EHBP1: variants seen among roughly 807,000 people sequenced by gnomAD.
The protein encoded by EHBP1 is EH domain-binding protein 1.
A neutral mutation model predicts 144.0 loss-of-function variants in EHBP1; 55 were observed. The ratio of observed to expected loss-of-function variants is 0.38; its 90% CI spans 0.31 to 0.48. EHBP1 has a LOEUF of 0.48. Ranked by LOEUF, EHBP1 falls within the 20% of genes least tolerant of loss-of-function variation. EHBP1 has a pLI of 0.98. For missense variants in EHBP1, 1,200 were observed against 1,364.2 expected, an observed-to-expected ratio of 0.88 and a Z score of 1.90; for synonymous variants, 469 against 472.7, an observed-to-expected ratio of 0.99 and a Z score of 0.10.
intron 16 of EHBP1, among the ~76,000 whole-genome samples, chr2:62,993,135 C>A (rs2059479235): frequency 6.6e-6 from 1 of 152,128 alleles, no homozygotes; most frequent in Non-Finnish European, 1.5e-5. Context: ...GTATTATAAT[C>A]CTACCTTTTA....
intron 8 of EHBP1, among the ~76,000 whole-genome samples, chr2:62,862,347 A>G (rs1243025673): frequency 6.6e-6 from 1 of 152,142 alleles, no homozygotes; most frequent in African/African-American, 2.4e-5. Context: ...GGTGGCTCAC[A>G]CCTGTAATCC....
At chr2:62,936,842 A>G (rs2056418864) in intron 10 of EHBP1, among the ~76,000 whole-genome samples, 1 of 152,188 alleles carries the variant, frequency 6.6e-6, no homozygotes, top group Non-Finnish European at 1.5e-5. Flanking sequence ...CTCACTGTTG[A>G]TAGTTTTTGG....
At chr2:62,896,580 CA>C (rs1246006018) in intron 10 of EHBP1, among the ~76,000 whole-genome samples, 2 of 151,826 alleles carry the variant, frequency 1.3e-5, no homozygotes, top group Non-Finnish European at 2.9e-5. Context: ...GTGGTCTACT[CA>C]GGGCTTTGAT....
chr2:62,981,069 CAAAAA>C (rs754301803), intron 15 of EHBP1, among the ~76,000 whole-genome samples: 1 of 48,292 alleles, frequency 2.1e-5, no homozygotes, highest in Non-Finnish European at 4.2e-5. Context: ...GATGCTGTCT[CAAAAA>C]AAAAAAAAAA....
At position 62,948,783 on chromosome 2, in the gene EHBP1, A is replaced by C; in HGVS notation, c.1937A>C (p.Gln646Pro). The change falls in exon 13 of 23, where the codon CAG (glutamine) becomes CCG (proline). Residue 646 changes from glutamine (Q) to proline (P), a missense_variant. Transcript: ENST00000431489. ...TCCAATACAGATTCAACCCAAGCAC[A>C]GGTTTTGTTAGGCAAAAAGAGACTA... ...ICSNTDSTQAQVLLGKKRLLK... is the reference protein window; with the variant it reads ...ICSNTDSTQAPVLLGKKRLLK... 1.2e-6 allele frequency: 2 copies of C among 1,614,166 alleles called. No homozygotes were observed. Among genetic ancestry groups the C allele is most frequent in the Non-Finnish European group, 1.7e-6 (2 of 1,180,010 alleles).
chr2:63,000,968 T>C (rs1050995587), intron 19 of EHBP1, among the ~76,000 whole-genome samples: 7 of 152,188 alleles, frequency 4.6e-5, no homozygotes, highest in Non-Finnish European at 1.0e-4. Context: ...ACACTTCTTA[T>C]GTAAGTTTAG....
At chr2:62,892,575 G>A (rs983686699) in intron 10 of EHBP1, among the ~76,000 whole-genome samples, 10 of 151,954 alleles carry the variant, frequency 6.6e-5, no homozygotes, top group Non-Finnish European at 1.2e-4. Context: ...TTGATCATGT[G>A]TTATTCTTAT....
chr2:62,797,345 A>T (rs1338029848), intron 5 of EHBP1, among the ~76,000 whole-genome samples: 1 of 152,250 alleles, frequency 6.6e-6, no homozygotes, highest in Non-Finnish European at 1.5e-5. Context: ...ATTGGCAGAA[A>T]GCTACTCCCA....
At chr2:62,967,484 C>T (rs987628316) in intron 14 of EHBP1, among the ~76,000 whole-genome samples, 6 of 152,084 alleles carry the variant, frequency 3.9e-5, no homozygotes, top group Non-Finnish European at 7.4e-5. Flanking sequence ...AGATCCTAGA[C>T]GATTGGTATT....
At chr2:62,703,061 G>C (rs2034324123), upstream of EHBP1, among the ~76,000 whole-genome samples, 4 of 152,180 alleles carry the variant, frequency 2.6e-5, no homozygotes, top group Admixed American at 2.0e-4. Flanking sequence ...GGAAGCAGTG[G>C]CTCATGCCTG....
chr2:62,764,409 A>C, intron 4 of EHBP1, 48 bp downstream of exon 4: 1 of 1,356,848 alleles, frequency 7.4e-7, no homozygotes, highest in Non-Finnish European at 1.0e-6. Flanking sequence ...TAACCAGGGT[A>C]CCAAATGACA....
At chr2:62,735,454 A>C (rs927962185) in intron 2 of EHBP1, among the ~76,000 whole-genome samples, 7 of 152,262 alleles carry the variant, frequency 4.6e-5, no homozygotes, top group African/African-American at 1.7e-4. Context: ...CATTTCACTT[A>C]TATATAAGCA....
intron 7 of EHBP1, among the ~76,000 whole-genome samples, chr2:62,845,875 C>T (rs1558782368): frequency 6.6e-6 from 1 of 151,988 alleles, no homozygotes; most frequent in Non-Finnish European, 1.5e-5. Context: ...GGAAAACTGC[C>T]TCTGTTATGT....
intron 7 of EHBP1, among the ~76,000 whole-genome samples, chr2:62,831,619 G>A (rs1041549806): frequency 4.6e-5 from 7 of 152,118 alleles, no homozygotes; most frequent in Non-Finnish European, 1.0e-4. Context: ...TTCCATGCAG[G>A]TATTCCTTCA....
chr2:62,908,480 C>CTTT (rs2053967018), intron 10 of EHBP1, among the ~76,000 whole-genome samples: 1 of 151,662 alleles, frequency 6.6e-6, no homozygotes, highest in Non-Finnish European at 1.5e-5. Context: ...TTATTACTTC[C>CTTT]TTCTTAGTTT....
intron 10 of EHBP1, among the ~76,000 whole-genome samples, chr2:62,933,517 A>T (rs1420135989): frequency 2.0e-5 from 3 of 152,148 alleles, no homozygotes; most frequent in African/African-American, 7.2e-5. Flanking sequence ...TCTTTTATTG[A>T]TGTGTGATTT....
intron 10 of EHBP1, among the ~76,000 whole-genome samples, chr2:62,883,306 G>A (rs1190316362): frequency 6.6e-6 from 1 of 152,152 alleles, no homozygotes; most frequent in Non-Finnish European, 1.5e-5. Context: ...GAAAGTATGT[G>A]ATAGCTATGT....
At chr2:62,894,042 C>G (rs1307109152) in intron 10 of EHBP1, among the ~76,000 whole-genome samples, 1 of 144,870 alleles carries the variant, frequency 6.9e-6, no homozygotes, top group Non-Finnish European at 1.5e-5. Flanking sequence ...GAGACTCCGT[C>G]TCAAAAAAAA....
At chr2:62,716,248 TA>T (rs1451995802) in intron 2 of EHBP1, among the ~76,000 whole-genome samples, 3 of 152,128 alleles carry the variant, frequency 2.0e-5, no homozygotes, top group Non-Finnish European at 4.4e-5. Flanking sequence ...GAGGAGGTGT[TA>T]CTGATTTTGG....
Sources: gnomAD v4.1 joint callset for allele counts (sites outside exome capture counted in the v4.1 genomes callset) on GRCh38, gnomAD v4.1.1 for gene constraint, MANE v1.5 for transcripts, NCBI Gene and HGNC (gene_info 2026-07-23, HGNC 2026-07-21) for gene names.